Variants in MRPL1 observed in about 807,000 individuals in gnomAD.
The protein encoded by MRPL1 is large ribosomal subunit protein uL1m.
A neutral mutation model predicts 38.0 loss-of-function variants in MRPL1; 28 were observed. That is an observed-to-expected ratio of 0.74 (90% confidence interval 0.55 to 1.01). MRPL1 has a LOEUF of 1.01. Among genes scored for constraint, MRPL1 ranks in the 50% least tolerant of loss-of-function variants. MRPL1 has a pLI of 0.00. For missense variants in MRPL1, 358 were observed against 389.8 expected, an observed-to-expected ratio of 0.92 and a Z score of 0.69; for synonymous variants, 123 against 126.7, an observed-to-expected ratio of 0.97 and a Z score of 0.20.
intron 7 of MRPL1, among the ~76,000 whole-genome samples, chr4:77,928,657 T>C (rs1040848800): frequency 6.6e-6 from 1 of 152,180 alleles, no homozygotes; most frequent in African/African-American, 2.4e-5. Context: ...GAAAAACTAA[T>C]ATTTATCCAG....
chr4:77,871,883 C>A (rs775359428), intron 2 of MRPL1, 28 bp downstream of exon 2: 1 of 1,369,468 alleles, frequency 7.3e-7, no homozygotes, highest in South Asian at 1.2e-5. Context: ...GTTATTATTT[C>A]ATTTGTTGTC....
At chr4:77,943,036 T>G (rs891697975) in intron 7 of MRPL1, among the ~76,000 whole-genome samples, 4 of 152,180 alleles carry the variant, frequency 2.6e-5, no homozygotes, top group African/African-American at 9.7e-5. Flanking sequence ...GTTTCAAGAT[T>G]TAGAGCTCCT....
At chr4:77,902,793 C>G (rs970993735) in intron 6 of MRPL1, among the ~76,000 whole-genome samples, 1 of 151,960 alleles carries the variant, frequency 6.6e-6, no homozygotes, top group African/African-American at 2.4e-5. Flanking sequence ...GACAAATTAT[C>G]AAAAGTTTCT....
intron 2 of MRPL1, among the ~76,000 whole-genome samples, chr4:77,876,902 T>C (rs1220523938): frequency 6.6e-6 from 1 of 152,124 alleles, no homozygotes; most frequent in East Asian, 1.9e-4. Flanking sequence ...CTCTTCTTTA[T>C]TTATTTATTT....
chr4:77,887,696 T>C (rs1735714626), intron 5 of MRPL1, among the ~76,000 whole-genome samples: 1 of 151,998 alleles, frequency 6.6e-6, no homozygotes, highest in African/African-American at 2.4e-5. Flanking sequence ...CGGCTAATTT[T>C]TTTGTAGAGA....
intron 6 of MRPL1, among the ~76,000 whole-genome samples, chr4:77,897,167 A>G (rs1277242102): frequency 1.3e-5 from 2 of 152,028 alleles, no homozygotes; most frequent in Non-Finnish European, 2.9e-5. Flanking sequence ...CCTGGGTTCA[A>G]GTGAATCTGC....
chr4:77,876,624 TGTA>T (rs1735402639), intron 2 of MRPL1, among the ~76,000 whole-genome samples: 1 of 152,154 alleles, frequency 6.6e-6, no homozygotes, highest in Non-Finnish European at 1.5e-5. Context: ...TAATTTTAGT[TGTA>T]GTTTTTATTG....
intron 1 of MRPL1, among the ~76,000 whole-genome samples, chr4:77,870,375 A>G (rs1213909584): frequency 1.3e-5 from 2 of 152,112 alleles, no homozygotes; most frequent in African/African-American, 4.8e-5. Context: ...TTCATTTATC[A>G]TACGTGATTT....
chr4:77,865,857 C>T (rs1010229909), intron 1 of MRPL1, among the ~76,000 whole-genome samples: 1 of 152,146 alleles, frequency 6.6e-6, no homozygotes, highest in South Asian at 2.1e-4. Context: ...CCTTTAAGGA[C>T]CTCAGTCATG....
intron 1 of MRPL1, among the ~76,000 whole-genome samples, chr4:77,864,006 T>G (rs1409074149): frequency 6.6e-6 from 1 of 150,450 alleles, no homozygotes; most frequent in African/African-American, 2.5e-5. Flanking sequence ...CACAGTTTTT[T>G]TTTTTTTTTT....
At chr4:77,917,987 G>A (rs1032528460) in intron 7 of MRPL1, among the ~76,000 whole-genome samples, 1 of 151,626 alleles carries the variant, frequency 6.6e-6, no homozygotes, top group Non-Finnish European at 1.5e-5. Context: ...CCTGGGAGGC[G>A]GAGGTTGCAG....
rs568171358 is a variant in MRPL1, at chr4:77,910,816, T to G, written c.777+1444T>G. 7.2e-5 allele frequency among the ~76,000 whole-genome samples: 11 copies of G among 152,160 alleles called. No homozygotes were observed. The South Asian group carries it at 2.1e-3, about 29-fold the overall frequency. On this transcript the variant is annotated intron_variant, in intron 7 of 8. Coordinates refer to ENST00000315567, the MANE Select transcript of MRPL1 (RefSeq NM_020236.4). ...TAATCTAGTTGGGGAAACCCCAGCT[T>G]GCCATCATTATCATCAAAGCTCAGC... is the stretch of plus-strand genomic sequence containing the variant.
At chr4:77,949,596 T>A (rs1737359934) in intron 7 of MRPL1, among the ~76,000 whole-genome samples, 1 of 152,164 alleles carries the variant, frequency 6.6e-6, no homozygotes, top group Non-Finnish European at 1.5e-5. Context: ...TATAATATGT[T>A]CTATAAATCT....
At chr4:77,939,479 C>T (rs1181050192) in intron 7 of MRPL1, among the ~76,000 whole-genome samples, 1 of 152,076 alleles carries the variant, frequency 6.6e-6, no homozygotes, top group Non-Finnish European at 1.5e-5. Flanking sequence ...TTTTCTCCCA[C>T]TCTTTGGGTT....
chr4:77,909,160 C>T (rs1214720720), intron 6 of MRPL1, 106 bp from the exon 7 acceptor site: 1 of 756,600 alleles, frequency 1.3e-6, no homozygotes, highest in Non-Finnish European at 2.3e-6. Flanking sequence ...GTTTATCTGC[C>T]ACAATTTATT....
At chr4:77,923,465 A>G (rs984385043) in intron 7 of MRPL1, among the ~76,000 whole-genome samples, 1 of 152,222 alleles carries the variant, frequency 6.6e-6, no homozygotes, top group Non-Finnish European at 1.5e-5. Flanking sequence ...ATCTGTTGAG[A>G]TAATTATTTT....
intron 2 of MRPL1, among the ~76,000 whole-genome samples, chr4:77,877,546 C>A (rs543817421): frequency 6.6e-6 from 1 of 151,210 alleles, no homozygotes; most frequent in African/African-American, 2.4e-5. Context: ...TGCACCCTTC[C>A]CTAGCAGTAG....
intron 7 of MRPL1, among the ~76,000 whole-genome samples, chr4:77,923,441 T>C (rs1736626606): frequency 1.3e-5 from 2 of 152,170 alleles, no homozygotes; most frequent in African/African-American, 2.4e-5. Context: ...ATTTACTGAA[T>C]AGTTTTTAAA....
chr4:77,870,181 A>G (rs372085714), intron 1 of MRPL1, among the ~76,000 whole-genome samples: 2 of 152,344 alleles, frequency 1.3e-5, no homozygotes, highest in South Asian at 4.1e-4. Flanking sequence ...GACATGAGCC[A>G]CTGTGACTGG....
Sources: gnomAD v4.1 joint callset for allele counts (sites outside exome capture counted in the v4.1 genomes callset) on GRCh38, gnomAD v4.1.1 for gene constraint, MANE v1.5 for transcripts, NCBI Gene and HGNC (gene_info 2026-07-23, HGNC 2026-07-21) for gene names.